The following FBXO24 variants were observed in gnomAD, a reference collection of about 807,000 sequenced individuals.
The protein encoded by FBXO24 is F-box protein 24, also known as F-box only protein 24.
A neutral mutation model predicts 63.5 loss-of-function variants in FBXO24; 30 were observed. The observed-to-expected ratio is 0.47, with a 90% CI of 0.35 to 0.64. The LOEUF (loss-of-function observed/expected upper bound fraction) is 0.64, where lower values mean the gene tolerates loss of function less well. Among genes scored for constraint, FBXO24 ranks in the 30% least tolerant of loss-of-function variants. The pLI, the probability that FBXO24 is intolerant of heterozygous loss-of-function variation, is 0.00. For missense variants in FBXO24, 624 were observed against 763.4 expected (o/e 0.82, Z 2.15); for synonymous variants, 300 against 305.0 (o/e 0.98, Z 0.17).
At position 100,589,990 on chromosome 7, in the gene FBXO24, G is replaced by A. The variant is rs773552062; in HGVS notation, c.53G>A (p.Cys18Tyr). Reference sequence around the variant, plus strand: ...CTTCTTGGGTAGGTGAAGAGAAGCTGCCCTTCTTGTGGCTCGGAGCTTGGG... The same window carrying A: ...CTTCTTGGGTAGGTGAAGAGAAGCTACCCTTCTTGTGGCTCGGAGCTTGGG... ...LLRRRRVKRS[C>Y]PSCGSELGVE... The change falls in exon 2 of 10, where the codon TGC (cysteine) becomes TAC (tyrosine). Residue 18 changes from cysteine (C) to tyrosine (Y), a missense_variant. By Grantham distance (194) the Cys-to-Tyr change is radical (BLOSUM62 -2). Coordinates refer to ENST00000241071, the MANE Select transcript of FBXO24 (RefSeq NM_033506.3). 6.2e-7 allele frequency: 1 copy of A among 1,613,442 alleles called. No individual in the cohort carries two copies. The highest frequency in any genetic ancestry group is 8.5e-7 in the Non-Finnish European group (1 of 1,179,774).
In FBXO24 at chr7:100,594,277, T is replaced by G; in HGVS notation, c.794-106T>G. On this transcript the variant is annotated intron_variant, in intron 5 of 9. Coordinates refer to ENST00000241071, the MANE Select transcript of FBXO24 (RefSeq NM_033506.3). The surrounding 1 kb of genome is among the most constrained non-coding windows in gnomAD (Gnocchi z 4.2). ...TCCCTTATTTCTTTCTCAGCCCCACTCTAGGGCAGTAAATGTGTCACCCAT... is the reference window on the plus strand; with the variant it reads ...TCCCTTATTTCTTTCTCAGCCCCACGCTAGGGCAGTAAATGTGTCACCCAT... 1 of 1,293,218 alleles carries G rather than the reference T, an allele frequency of 7.7e-7. No individual in the cohort carries two copies. Among genetic ancestry groups the G allele is most frequent in the Non-Finnish European group, 1.1e-6 (1 of 936,192 alleles). 80.1% of individuals were successfully genotyped at this position (1,293,218 alleles called of 1,614,324 possible).
At chr7:100,597,624 C>T (rs1802374867) in intron 8 of FBXO24, among the ~76,000 whole-genome samples, 2 of 152,160 alleles carry the variant, frequency 1.3e-5, no homozygotes, top group African/African-American at 4.8e-5. Flanking sequence ...AAACTCCTGA[C>T]CTCAGGTGAT....
chr7:100,597,206 G>A (rs745807007), intron 8 of FBXO24, among the ~76,000 whole-genome samples: 18 of 152,196 alleles, frequency 1.2e-4, no homozygotes, highest in African/African-American at 3.9e-4. Flanking sequence ...AAGACAGGCC[G>A]TGCACCCCTC....
chr7:100,592,846 G>C lies in FBXO24; in HGVS notation c.622G>C (p.Glu208Gln). 1.2e-6 allele frequency: 2 copies of C among 1,614,174 alleles called. No homozygotes were observed. The highest frequency in any genetic ancestry group is 1.1e-5 in the South Asian group (1 of 91,074). ...RKYLYVLATR[E>Q]PQEVVGTTSS... ...ATACCTCTACGTCTTGGCCACTCGG[G>C]AGCCGCAGGAAGTGGTGGGTACCAC... The change falls in exon 5 of 10, where the codon GAG becomes CAG. Residue 208 changes from glutamate to glutamine, a missense_variant. Glu to Gln is a conservative substitution (Grantham distance 29, BLOSUM62 2). Coordinates refer to ENST00000241071, the MANE Select transcript of FBXO24 (RefSeq NM_033506.3).
In FBXO24 at chr7:100,590,376, C is replaced by T. The variant is rs759307555; in HGVS notation, c.322+19C>T. ...CTGAACTGTACACCTTCCCCAGAACCTCCCGTTCTCCTTGCCTCTGTCCCG... is the reference window on the plus strand; with the variant it reads ...CTGAACTGTACACCTTCCCCAGAACTTCCCGTTCTCCTTGCCTCTGTCCCG... On this transcript the variant is annotated intron_variant, in intron 3 of 9. Coordinates refer to ENST00000241071, the MANE Select transcript of FBXO24 (RefSeq NM_033506.3). 10 of 1,588,846 alleles carry T rather than the reference C, an allele frequency of 6.3e-6. No homozygotes were observed. The highest frequency in any genetic ancestry group is 2.3e-5 in the South Asian group (2 of 88,614).
intron 1 of FBXO24, among the ~76,000 whole-genome samples, chr7:100,588,788 A>G (rs963459830): frequency 2.0e-5 from 3 of 152,140 alleles, no homozygotes; most frequent in East Asian, 1.9e-4. Flanking sequence ...TATACATGCA[A>G]TGATGTTACT....
At chr7:100,590,877 C>T (rs979454424) in intron 3 of FBXO24, among the ~76,000 whole-genome samples, 1 of 152,120 alleles carries the variant, frequency 6.6e-6, no homozygotes, top group African/African-American at 2.4e-5. Flanking sequence ...AGGGATCCCC[C>T]AGGGTGTACT....
At chr7:100,597,887 T>G (rs965246235) in intron 8 of FBXO24, among the ~76,000 whole-genome samples, 15 of 143,210 alleles carry the variant, frequency 1.0e-4, no homozygotes, top group Non-Finnish European at 1.9e-4. Context: ...TTTTTTTGTT[T>G]TTTTTGTTTT....
chr7:100,598,974 G>A (rs376912019), intron 8 of FBXO24, among the ~76,000 whole-genome samples: 11 of 149,674 alleles, frequency 7.3e-5, no homozygotes, highest in East Asian at 2.0e-4. Context: ...GCGAGACTCC[G>A]TCTCTACAAA....
chr7:100,591,567 GAACTACA>G, intron 3 of FBXO24, 93 bp from the exon 4 acceptor site: 2 of 1,037,538 alleles, frequency 1.9e-6, no homozygotes, highest in South Asian at 2.8e-5. Flanking sequence ...GGATGGGGAG[GAACTACA>G]AACCAGCGTG....
chr7:100,597,671 G>C (rs956836891), intron 8 of FBXO24, among the ~76,000 whole-genome samples: 1 of 151,990 alleles, frequency 6.6e-6, no homozygotes, highest in Non-Finnish European at 1.5e-5. Context: ...TGGGATTACA[G>C]GTGTGAGCCA....
Position 100,591,901 on chromosome 7 carries a change from A to T in FBXO24, c.557A>T (p.Asp186Val). The T allele has an allele frequency of 6.2e-7, 1 of 1,614,082 alleles. No individual in the cohort carries two copies. The change falls in exon 4 of 10, where the codon GAT becomes GTT. Residue 186 changes from aspartate to valine, a missense_variant and splice_region_variant. This residue lies in a region of FBXO24 where 391 missense variants were observed against 469.1 expected (regional missense o/e 0.83). Transcript: ENST00000241071. ...RYVVLCRGAK[D>V]FASDPRCDTV... is the part of the protein sequence containing the mutation. ...GTTGTGTTGTGTCGTGGAGCCAAGGATGTGAGTAGCAGAACCCTGGCAGCT... is the reference window on the plus strand; with the variant it reads ...GTTGTGTTGTGTCGTGGAGCCAAGGTTGTGAGTAGCAGAACCCTGGCAGCT...
At chr7:100,595,782 C>T (rs911357932) in intron 8 of FBXO24, 76 bp downstream of exon 8, 4 of 1,482,288 alleles carry the variant, frequency 2.7e-6, no homozygotes, top group Non-Finnish European at 3.6e-6. Flanking sequence ...GTCCACTTCT[C>T]CAGATTCCAC....
At position 100,592,655 on chromosome 7, in the gene FBXO24, C is replaced by G. The variant is rs533629830; in HGVS notation, c.559-128C>G. The G allele has an allele frequency of 9.2e-5, 65 of 708,288 alleles. No homozygotes were observed. In the East Asian group the frequency reaches 1.5e-3, roughly 17 times the overall value. 43.9% of individuals were successfully genotyped at this position (708,288 alleles called of 1,614,324 possible). A position where few individuals can be genotyped will look rare whatever the true frequency, so the allele number is the denominator to read the frequency against. ...TGACTTCTGCCCTCCCACATAGGAA[C>G]CTGAAATCAAGGGCTCATTTCCCAA... On this transcript the variant is annotated intron_variant, in intron 4 of 9. Transcript: ENST00000241071.
intron 1 of FBXO24, among the ~76,000 whole-genome samples, chr7:100,587,167 T>C (rs1225048570): frequency 1.3e-5 from 2 of 152,216 alleles, no homozygotes; most frequent in Non-Finnish European, 2.9e-5. Flanking sequence ...TCCTGACAGC[T>C]GGCTTGCTCT....
At chr7:100,591,031 A>ATTTTTTTTTT (rs930978218) in intron 3 of FBXO24, among the ~76,000 whole-genome samples, 9 of 86,672 alleles carry the variant, frequency 1.0e-4, no homozygotes, top group Non-Finnish European at 1.5e-4. Context: ...TTTTTCTTTG[A>ATTTTTTTTTT]TTTTTTTTTT....
rs1250190379 is a variant in FBXO24, at chr7:100,590,343, C to T, written c.308C>T (p.Ala103Val). The change falls in exon 3 of 10, where the codon GCT becomes GTT. Residue 103 changes from alanine (A) to valine (V), a missense_variant. By Grantham distance (64) the Ala-to-Val change is moderately conservative. Transcript: ENST00000241071. ...TCTGGAGTCCGGCCCTGGAAGAGAGCTGCCATTCTGAACTGTACACCTTCC... is the reference window on the plus strand; with the variant it reads ...TCTGGAGTCCGGCCCTGGAAGAGAGTTGCCATTCTGAACTGTACACCTTCC... Reference protein sequence around the residue: ...QGSGVRPWKRAAILNYTKGLY... With the variant: ...QGSGVRPWKRVAILNYTKGLY... The T allele has an allele frequency of 6.2e-7, 1 of 1,612,924 alleles. No homozygotes were observed. The highest frequency in any genetic ancestry group is 1.1e-5 in the South Asian group (1 of 90,898).
chr7:100,597,994 G>A (rs1271249239), intron 8 of FBXO24, among the ~76,000 whole-genome samples: 1 of 151,136 alleles, frequency 6.6e-6, no homozygotes, highest in African/African-American at 2.4e-5. Context: ...TAAAGTGCTG[G>A]GATTACAGGT....
At chr7:100,587,076 C>T (rs1166364010) in intron 1 of FBXO24, among the ~76,000 whole-genome samples, 1 of 152,188 alleles carries the variant, frequency 6.6e-6, no homozygotes, top group East Asian at 1.9e-4. Flanking sequence ...GATCTCACCG[C>T]CTAGAACACG....
Sources: gnomAD v4.1 joint callset for allele counts (sites outside exome capture counted in the v4.1 genomes callset) on GRCh38, gnomAD v4.1.1 for gene constraint, gnomAD v4.1.1 regional missense constraint, Gnocchi (gnomAD v3.1) non-coding constraint, MANE v1.5 for transcripts, NCBI Gene and HGNC (gene_info 2026-07-23, HGNC 2026-07-21) for gene names.